Variants in ZNF568 observed in about 807,000 individuals in gnomAD.
ZNF568 encodes zinc finger protein 568, also known as p53 inhibitor of SCO2 activation.
A neutral mutation model predicts 18.1 loss-of-function variants in ZNF568; 11 were observed. The observed-to-expected ratio is 0.61, with a 90% CI of 0.38 to 1.00. The LOEUF (loss-of-function observed/expected upper bound fraction) is 1.00, where lower values mean the gene tolerates loss of function less well. Among genes scored for constraint, ZNF568 ranks in the 50% least tolerant of loss-of-function variants. The pLI is 0.01. For synonymous variants in ZNF568, 213 were observed against 246.6 expected (o/e 0.86, Z 1.28); for missense variants, 639 against 768.2 (o/e 0.83, Z 1.99).
chr19:36,940,472 T>C (rs963642048), intron 6 of ZNF568, among the ~76,000 whole-genome samples: 3 of 152,240 alleles, frequency 2.0e-5, no homozygotes, highest in Non-Finnish European at 2.9e-5. Context: ...TGTTTATTAG[T>C]CCACCTGGAG....
At chr19:36,996,558 A>G (rs2074474004) in exon 5 of ZNF568, 1 of 1,536,046 alleles carries the variant, frequency 6.5e-7, no homozygotes, top group African/African-American at 1.4e-5. Flanking sequence ...AATGCAGGAA[A>G]TGTAAGAATG....
intron 6 of ZNF568, among the ~76,000 whole-genome samples, chr19:36,972,047 A>C (rs577797421): frequency 6.6e-6 from 1 of 151,664 alleles, no homozygotes; most frequent in Non-Finnish European, 1.5e-5. Context: ...GTTGGCCAGG[A>C]TGGTCTTGAT....
At chr19:36,945,699 C>T (rs993504484) in intron 6 of ZNF568, among the ~76,000 whole-genome samples, 57 of 149,844 alleles carry the variant, frequency 3.8e-4, no homozygotes, top group Admixed American at 2.6e-3. Context: ...ATGATATATG[C>T]GTGTATATGT....
chr19:36,942,377 A>G (rs2073894811), intron 6 of ZNF568, among the ~76,000 whole-genome samples: 1 of 151,600 alleles, frequency 6.6e-6, no homozygotes, highest in African/African-American at 2.4e-5. Flanking sequence ...AGGTGGGCAG[A>G]TTATGAGGTC....
chr19:36,965,704 CT>C (rs34377774), intron 6 of ZNF568, among the ~76,000 whole-genome samples: 380 of 119,686 alleles, frequency 3.2e-3, no homozygotes, highest in Middle Eastern at 9.8e-3. Flanking sequence ...TGATCAAGGA[CT>C]TTTTTTTTTT....
chr19:36,925,689 A>C (rs2073540772), intron 4 of ZNF568, among the ~76,000 whole-genome samples: 1 of 152,310 alleles, frequency 6.6e-6, no homozygotes, highest in African/African-American at 2.4e-5. Context: ...TTGAAAAAAA[A>C]ATGGGTGGTT....
chr19:36,975,488 C>T (rs1380125672), intron 7 of ZNF568, among the ~76,000 whole-genome samples: 3 of 151,790 alleles, frequency 2.0e-5, no homozygotes, highest in Admixed American at 6.6e-5. Flanking sequence ...CAGGTTCAAG[C>T]GATTCTCCTG....
chr19:36,926,742 A>T (rs1201326119), intron 4 of ZNF568, among the ~76,000 whole-genome samples: 1 of 152,182 alleles, frequency 6.6e-6, no homozygotes, highest in African/African-American at 2.4e-5. Flanking sequence ...TATGTGCCAG[A>T]TGTATTGTGC....
chr19:36,930,940 T>C (rs2073677066), intron 4 of ZNF568, among the ~76,000 whole-genome samples: 1 of 152,232 alleles, frequency 6.6e-6, no homozygotes, highest in African/African-American at 2.4e-5. Flanking sequence ...AGCATTTTTT[T>C]TCAGTCAGAA....
chr19:36,923,983 A>T (rs1294213357), intron 3 of ZNF568, among the ~76,000 whole-genome samples: 1 of 151,980 alleles, frequency 6.6e-6, no homozygotes, highest in Non-Finnish European at 1.5e-5. Flanking sequence ...TGTCCTTATG[A>T]GTTTTAGCCT....
At chr19:36,991,325 C>A (rs1401352233) in intron 3 of ZNF568, 3 of 1,503,220 alleles carry the variant, frequency 2.0e-6, no homozygotes, top group Admixed American at 2.2e-5. Context: ...CCTCCGTACA[C>A]CCCCTGCCCC....
At position 36,950,168 on chromosome 19, in the gene ZNF568, T is replaced by C; in HGVS notation, c.1015T>C (p.Cys339Arg). 6.2e-7 allele frequency: 1 copy of C among 1,613,934 alleles called. No homozygotes were observed. The highest frequency in any genetic ancestry group is 2.2e-5 in the East Asian group (1 of 44,864). ...TGEKPYECKECGKSFSQKQNL... is the reference protein window; with the variant it reads ...TGEKPYECKERGKSFSQKQNL... ...AGAGAAACCCTATGAATGTAAGGAA[T>C]GTGGGAAATCCTTCAGCCAGAAGCA... Residue 339 changes from cysteine to arginine, a missense_variant, in exon 7 of 7, where the codon TGT becomes CGT. Transcript: ENST00000333987.
At chr19:36,943,991 C>A (rs1412678236) in intron 6 of ZNF568, among the ~76,000 whole-genome samples, 1 of 152,048 alleles carries the variant, frequency 6.6e-6, no homozygotes, top group Non-Finnish European at 1.5e-5. Flanking sequence ...CCTCTTTTAG[C>A]AGGAAATGAT....
chr19:36,935,127 G>T (rs2073766651), intron 4 of ZNF568, among the ~76,000 whole-genome samples: 1 of 152,064 alleles, frequency 6.6e-6, no homozygotes, highest in Non-Finnish European at 1.5e-5. Flanking sequence ...TTCTATCTTG[G>T]AGAGTGCTCT....
Position 36,991,046 on chromosome 19 carries a change from T to C in ZNF568, c.10-130T>C, listed in dbSNP as rs112795548. 7.4e-4 allele frequency: 709 copies of C among 964,306 alleles called. 4 individuals are homozygous for C. In the African/African-American group the frequency reaches 0.011, roughly 15 times the overall value. 59.7% of individuals were successfully genotyped at this position (964,306 alleles called of 1,614,324 possible). A position where few individuals can be genotyped will look rare whatever the true frequency, so the allele number is the denominator to read the frequency against. On this transcript the variant is annotated intron_variant, in intron 2 of 4. Coordinates refer to the ZNF568 transcript ENST00000433993. The stretch of plus-strand genomic sequence containing the variant: ...TGTTTCCACACCGACCCCTCCATGT[T>C]GAAGGAGCCAGTATGGCCTGTTTTC...
intron 4 of ZNF568, 119 bp downstream of exon 4, chr19:36,925,377 T>C: frequency 1.1e-6 from 1 of 914,388 alleles, no homozygotes. Flanking sequence ...TGAGAAAAAA[T>C]ACAGATAGAA....
chr19:36,966,511 T>C (rs2074196426), intron 6 of ZNF568, among the ~76,000 whole-genome samples: 1 of 152,180 alleles, frequency 6.6e-6, no homozygotes. Flanking sequence ...TGTAGAAACT[T>C]AGTACCCAAA....
downstream of ZNF568, chr19:36,997,628 C>G (rs1228898934): frequency 2.0e-6 from 3 of 1,496,486 alleles, no homozygotes; most frequent in African/African-American, 2.8e-5. Context: ...GGTGAGAAAC[C>G]ATATGAATGT....
chr19:36,951,772 T>A lies in ZNF568; in HGVS notation c.*684T>A, dbSNP rs995153883. On this transcript the variant is annotated 3_prime_UTR_variant, in exon 7 of 7. Coordinates refer to ENST00000333987, the MANE Select transcript of ZNF568 (RefSeq NM_198539.4). Reference sequence around the variant, plus strand: ...CTCACTGCAGCCTCTGCTTTCCGGGTTTTTTTGTTTTGTTTTGTTTTGTTT... The same window carrying A: ...CTCACTGCAGCCTCTGCTTTCCGGGATTTTTTGTTTTGTTTTGTTTTGTTT... 3 of 203,092 alleles carry A rather than the reference T, an allele frequency of 1.5e-5. No homozygotes were observed. Among genetic ancestry groups the A allele is most frequent in the African/African-American group, 7.4e-5 (3 of 40,530 alleles). 12.6% of individuals were successfully genotyped at this position (203,092 alleles called of 1,614,324 possible).
Sources: allele counts gnomAD v4.1 joint callset (sites outside exome capture counted in the v4.1 genomes callset), GRCh38; gene constraint gnomAD v4.1.1; transcripts MANE v1.5; gene names NCBI Gene and HGNC (gene_info 2026-07-23, HGNC 2026-07-21).